Variants in ANTXR1 observed in about 807,000 individuals in gnomAD.
ANTXR1 encodes ANTXR cell adhesion molecule 1.
Under a neutral mutation model 78.1 loss-of-function variants are expected in ANTXR1, and 19 were observed. That is an observed-to-expected ratio of 0.24 (90% confidence interval 0.17 to 0.36). ANTXR1 has a LOEUF of 0.36. Ranked by LOEUF, ANTXR1 falls within the 10% of genes least tolerant of loss-of-function variation. The pLI is 1.00. For synonymous variants in ANTXR1, 273 were observed against 260.5 expected (o/e 1.05, Z -0.46); for missense variants, 518 against 718.6 (o/e 0.72, Z 3.19).
intron 12 of ANTXR1, among the ~76,000 whole-genome samples, chr2:69,129,113 T>C (rs1672642760): frequency 6.6e-6 from 1 of 152,216 alleles, no homozygotes; most frequent in Admixed American, 6.5e-5. Context: ...GAGTCCTCTC[T>C]CACCAGATAT....
At chr2:69,233,272 G>T (rs917267861) in intron 17 of ANTXR1, among the ~76,000 whole-genome samples, 4 of 151,954 alleles carry the variant, frequency 2.6e-5, no homozygotes, top group African/African-American at 9.7e-5. Flanking sequence ...AAATTGTTTT[G>T]TGAAGTTAAC....
chr2:69,238,566 T>C (rs185188171), intron 17 of ANTXR1, among the ~76,000 whole-genome samples: 1 of 152,210 alleles, frequency 6.6e-6, no homozygotes, highest in Non-Finnish European at 1.5e-5. Flanking sequence ...GCCTTCAATA[T>C]GTCGATGAGG....
intron 17 of ANTXR1, among the ~76,000 whole-genome samples, chr2:69,225,201 A>G (rs1042097536): frequency 6.6e-6 from 1 of 152,340 alleles, no homozygotes; most frequent in Non-Finnish European, 1.5e-5. Flanking sequence ...ATAGATCTTT[A>G]TGCTGGCTAA....
chr2:69,244,303 G>A (rs1445485145), intron 17 of ANTXR1, among the ~76,000 whole-genome samples: 1 of 152,206 alleles, frequency 6.6e-6, no homozygotes, highest in Non-Finnish European at 1.5e-5. Context: ...CAGAATTCAG[G>A]GCAGATGCCT....
At chr2:69,239,664 A>G (rs1482021997) in intron 17 of ANTXR1, among the ~76,000 whole-genome samples, 1 of 152,240 alleles carries the variant, frequency 6.6e-6, no homozygotes, top group Non-Finnish European at 1.5e-5. Context: ...CCATAGAGAG[A>G]AAGTGACTTG....
intron 3 of ANTXR1, among the ~76,000 whole-genome samples, chr2:69,046,147 C>T (rs1669762142): frequency 6.6e-6 from 1 of 152,064 alleles, no homozygotes; most frequent in South Asian, 2.1e-4. Flanking sequence ...AGCTAAACAC[C>T]CCTCTCGCCT....
chr2:69,109,102 T>A (rs917321920), intron 10 of ANTXR1, among the ~76,000 whole-genome samples: 1 of 152,150 alleles, frequency 6.6e-6, no homozygotes, highest in Non-Finnish European at 1.5e-5. Flanking sequence ...CATGCCTCAG[T>A]TTCTCTCTCT....
chr2:69,148,661 C>G (rs1339652200), intron 12 of ANTXR1, among the ~76,000 whole-genome samples: 2 of 152,188 alleles, frequency 1.3e-5, no homozygotes, highest in Non-Finnish European at 2.9e-5. Flanking sequence ...ACAGTAAATG[C>G]TCAGTGAATG....
At chr2:69,172,499 T>C in intron 14 of ANTXR1, 1 of 1,460,346 alleles carries the variant, frequency 6.8e-7, no homozygotes, top group African/African-American at 1.4e-5. Flanking sequence ...TCTTTTCCTC[T>C]AGTTCCCTGT....
chr2:69,075,874 G>A (rs1172624380), intron 7 of ANTXR1, among the ~76,000 whole-genome samples: 1 of 152,216 alleles, frequency 6.6e-6, no homozygotes, highest in South Asian at 2.1e-4. Flanking sequence ...CATCAAGGCA[G>A]CATCTTTCTT....
intron 1 of ANTXR1, among the ~76,000 whole-genome samples, chr2:69,024,703 C>A (rs559963690): frequency 6.6e-6 from 1 of 152,256 alleles, no homozygotes; most frequent in African/African-American, 2.4e-5. Flanking sequence ...TGTTCACACT[C>A]AAGTCTGATG....
chr2:69,046,153 C>T (rs1228565457), intron 3 of ANTXR1, among the ~76,000 whole-genome samples: 4 of 152,120 alleles, frequency 2.6e-5, no homozygotes, highest in East Asian at 1.9e-4. Context: ...ACACCCCTCT[C>T]GCCTGTTCTT....
chr2:69,163,912 C>T (rs561526648), intron 13 of ANTXR1, among the ~76,000 whole-genome samples: 157 of 152,214 alleles, frequency 1.0e-3, no homozygotes, highest in African/African-American at 3.4e-3. Flanking sequence ...GAACAAAAGA[C>T]GAAAAATGTA....
chr2:69,075,581 T>G lies in ANTXR1; in HGVS notation c.493-9T>G, dbSNP rs367932892. On this transcript the variant is annotated splice_polypyrimidine_tract_variant and intron_variant, in intron 6 of 17. Coordinates refer to ENST00000303714, the MANE Select transcript of ANTXR1 (RefSeq NM_032208.3). Reference sequence around the variant, plus strand: ...TCTCTTTCTAATGTCCTTTCTTTCCTTTTCCCAGGCTAATAGGTCTCGAGA... The same window carrying G: ...TCTCTTTCTAATGTCCTTTCTTTCCGTTTCCCAGGCTAATAGGTCTCGAGA... 35 of 1,613,592 alleles carry G rather than the reference T, an allele frequency of 2.2e-5. No homozygotes were observed. The highest frequency in any genetic ancestry group is 2.8e-5 in the Non-Finnish European group (33 of 1,179,638).
At chr2:69,073,495 T>C (rs1300218354) in intron 6 of ANTXR1, among the ~76,000 whole-genome samples, 1 of 152,212 alleles carries the variant, frequency 6.6e-6, no homozygotes, top group Non-Finnish European at 1.5e-5. Flanking sequence ...TTGAAATATG[T>C]AAGAGCCAGT....
At chr2:69,229,705 C>A (rs1675540845) in intron 17 of ANTXR1, among the ~76,000 whole-genome samples, 1 of 150,464 alleles carries the variant, frequency 6.6e-6, no homozygotes, top group African/African-American at 2.4e-5. Flanking sequence ...GTCAGACTTT[C>A]ACTCACTCAG....
chr2:69,174,897 A>T (rs746885213), intron 14 of ANTXR1, among the ~76,000 whole-genome samples: 11 of 152,232 alleles, frequency 7.2e-5, no homozygotes, highest in Non-Finnish European at 1.6e-4. Context: ...CCCCTACCTT[A>T]TAGATGCAAA....
chr2:69,159,501 T>G (rs1673620746), intron 13 of ANTXR1, among the ~76,000 whole-genome samples: 1 of 151,896 alleles, frequency 6.6e-6, no homozygotes, highest in African/African-American at 2.4e-5. Context: ...ATTAAGATAA[T>G]AAGTTTTATA....
intron 17 of ANTXR1, among the ~76,000 whole-genome samples, chr2:69,212,961 CTTTTTTTTTTTTT>C (rs747933496): frequency 1.0e-5 from 1 of 98,062 alleles, no homozygotes; most frequent in African/African-American, 4.2e-5. Context: ...TGCACATCAC[CTTTTTTTTTTTTT>C]TTTTTTTTTT....
Sources: gnomAD v4.1 joint callset for allele counts (sites outside exome capture counted in the v4.1 genomes callset) on GRCh38, gnomAD v4.1.1 for gene constraint, MANE v1.5 for transcripts, NCBI Gene and HGNC (gene_info 2026-07-23, HGNC 2026-07-21) for gene names.